Variants in ADAMTSL1 observed in about 807,000 individuals in gnomAD.
ADAMTSL1 encodes ADAMTS-like protein 1.
In ADAMTSL1, 126 loss-of-function variants were observed where a neutral mutation model predicts 201.8. That is an observed-to-expected ratio of 0.62 (90% CI 0.54 to 0.72). The LOEUF (loss-of-function observed/expected upper bound fraction) is 0.72. ADAMTSL1 is among the 30% of genes least tolerant of loss of function. ADAMTSL1 has a pLI of 0.00. For synonymous variants in ADAMTSL1, 1,121 were observed against 903.4 expected (o/e 1.24, Z -4.32); for missense variants, 2,679 against 2,277.8 (o/e 1.18, Z -3.59).
In ADAMTSL1 at chr9:18,777,111, T is replaced by G. The variant is rs1190917917; in HGVS notation, c.2882T>G (p.Ile961Ser). The change falls in exon 19 of 29, where the codon ATC becomes AGC. Residue 961 changes from isoleucine (I) to serine (S), a missense_variant. Coordinates refer to ENST00000380548, the MANE Select transcript of ADAMTSL1 (RefSeq NM_001040272.6). Reference sequence around the variant, plus strand: ...CGGGAGCACTTTGTGATTAAGCTCATCGGAGGCAACCGCAAGCTCGTGGCC... The same window carrying G: ...CGGGAGCACTTTGTGATTAAGCTCAGCGGAGGCAACCGCAAGCTCGTGGCC... ...PAREHFVIKLIGGNRKLVARP... is the reference protein window; with the variant it reads ...PAREHFVIKLSGGNRKLVARP... The G allele has an allele frequency of 1.2e-6, 2 of 1,612,858 alleles. No homozygotes were observed. Among genetic ancestry groups the G allele is most frequent in the African/African-American group, 2.7e-5 (2 of 74,896 alleles).
In ADAMTSL1 at chr9:18,287,311, A is replaced by G. The variant is rs142164947; in HGVS notation, c.207+123330A>G. On this transcript the variant is annotated intron_variant, in intron 2 of 29. Transcript: ENST00000680146. ...TCAATGGAAGTACATACGTATATAC[A>G]TATGTATGTATACACACACACACGT... Among the ~76,000 whole-genome samples the G allele has an allele frequency of 9.4e-4, 143 of 151,970 alleles. 1 individual carries two copies. Among genetic ancestry groups the G allele is most frequent in the African/African-American group, 3.2e-3 (131 of 41,318 alleles).
intron 23 of ADAMTSL1, among the ~76,000 whole-genome samples, chr9:18,855,229 G>A (rs1049048086): frequency 2.0e-5 from 3 of 152,162 alleles, no homozygotes; most frequent in East Asian, 1.9e-4. Context: ...ATCTTGGCAC[G>A]AATAAAATCC....
chr9:18,572,548 A>G (rs2132349571), intron 3 of ADAMTSL1, among the ~76,000 whole-genome samples: 1 of 152,308 alleles, frequency 6.6e-6, no homozygotes, highest in Admixed American at 6.5e-5. Context: ...AACACATAAT[A>G]CTAACAGTAA....
Position 18,639,301 on chromosome 9 carries a change from A to G in ADAMTSL1, c.724A>G (p.Ser242Gly), listed in dbSNP as rs752983559. ...LQGTKGENSL[S>G]STGTFLVDNS... ...GGGGACTAAAGGTGAAAACAGTCTC[A>G]GCTCCACAGGAACTTTCCTTGTGGA... Residue 242 changes from serine to glycine, a missense_variant, in exon 7 of 29, where the codon AGC becomes GGC. Physicochemically the swap from Ser to Gly is moderately conservative, Grantham distance 56. Coordinates refer to ENST00000380548, the MANE Select transcript of ADAMTSL1 (RefSeq NM_001040272.6). 1.2e-6 allele frequency: 2 copies of G among 1,613,108 alleles called. No homozygotes were observed. Among genetic ancestry groups the G allele is most frequent in the Non-Finnish European group, 1.7e-6 (2 of 1,179,340 alleles).
At chr9:18,315,504 G>A (rs1049385580) in intron 2 of ADAMTSL1, among the ~76,000 whole-genome samples, 1 of 152,164 alleles carries the variant, frequency 6.6e-6, no homozygotes, top group South Asian at 2.1e-4. Context: ...AGGCAGCTGA[G>A]GCCCAGCAAG....
At chr9:18,165,185 G>T (rs1827579676) in intron 2 of ADAMTSL1, among the ~76,000 whole-genome samples, 1 of 151,708 alleles carries the variant, frequency 6.6e-6, no homozygotes, top group South Asian at 2.1e-4. Context: ...AAAATATCTT[G>T]CAATTATATC....
At chr9:17,924,307 G>A (rs1426497384) in intron 1 of ADAMTSL1, among the ~76,000 whole-genome samples, 2 of 152,058 alleles carry the variant, frequency 1.3e-5, no homozygotes, top group African/African-American at 2.4e-5. Flanking sequence ...TTCAGCTCCC[G>A]TTATTGGTCT....
chr9:18,503,421 G>GTGTATATATATATATATATACATATA (rs376466829), intron 1 of ADAMTSL1, among the ~76,000 whole-genome samples: 1 of 115,274 alleles, frequency 8.7e-6, no homozygotes, highest in Non-Finnish European at 1.9e-5. Flanking sequence ...ATTCCATTGT[G>GTGTATATATATATATATATACATATA]TATATATATA....
chr9:18,237,464 T>C (rs1402443246), intron 2 of ADAMTSL1, among the ~76,000 whole-genome samples: 2 of 152,250 alleles, frequency 1.3e-5, no homozygotes, highest in Non-Finnish European at 1.5e-5. Context: ...TTGTTGCTTT[T>C]GGCATTTTGA....
intron 2 of ADAMTSL1, among the ~76,000 whole-genome samples, chr9:18,228,234 A>G (rs1344192122): frequency 1.3e-5 from 2 of 152,168 alleles, no homozygotes; most frequent in African/African-American, 4.8e-5. Context: ...TTAAGGCTTG[A>G]TGATAGTTCC....
At chr9:18,136,336 C>G (rs984824194) in intron 1 of ADAMTSL1, among the ~76,000 whole-genome samples, 1 of 152,152 alleles carries the variant, frequency 6.6e-6, no homozygotes, top group African/African-American at 2.4e-5. Flanking sequence ...TTGGAAACCA[C>G]TGGATTAGAC....
intron 1 of ADAMTSL1, among the ~76,000 whole-genome samples, chr9:17,934,902 TA>T (rs59536452): frequency 0.14 from 20,456 of 143,556 alleles, 1,561 homozygotes; most frequent in South Asian, 0.2. Flanking sequence ...CTATTTCCTT[TA>T]AAAAAAAAAA....
intron 2 of ADAMTSL1, among the ~76,000 whole-genome samples, chr9:18,190,100 C>A (rs1828909665): frequency 6.6e-6 from 1 of 152,166 alleles, no homozygotes; most frequent in Non-Finnish European, 1.5e-5. Flanking sequence ...CTGCACATTG[C>A]ATAATGTGAT....
intron 26 of ADAMTSL1, among the ~76,000 whole-genome samples, chr9:18,892,835 C>G (rs1829374402): frequency 1.3e-5 from 2 of 152,178 alleles, no homozygotes. Context: ...GTCAGCAACT[C>G]AAAACATCTT....
intron 1 of ADAMTSL1, among the ~76,000 whole-genome samples, chr9:18,058,094 T>C (rs1043511076): frequency 1.3e-5 from 2 of 152,060 alleles, no homozygotes; most frequent in African/African-American, 4.8e-5. Flanking sequence ...GCCAGATAGG[T>C]AAAGGAGTGG....
intron 7 of ADAMTSL1, chr9:18,651,325 C>T (rs1054116177): frequency 2.6e-5 from 4 of 152,186 alleles, no homozygotes; most frequent in Non-Finnish European, 1.5e-5. Context: ...TAGAAGAGTC[C>T]TCCTTAGTCA....
intron 2 of ADAMTSL1, among the ~76,000 whole-genome samples, chr9:18,425,887 T>A (rs891487621): frequency 3.4e-5 from 5 of 146,298 alleles, no homozygotes; most frequent in South Asian, 4.3e-4. Flanking sequence ...AAGACGTGTA[T>A]AGATTCGGAA....
At chr9:18,629,361 A>C (rs1826597004) in intron 5 of ADAMTSL1, among the ~76,000 whole-genome samples, 2 of 152,122 alleles carry the variant, frequency 1.3e-5, no homozygotes, top group South Asian at 4.1e-4. Context: ...CTCACCATTG[A>C]GTATGATGTT....
chr9:18,752,014 C>A lies in ADAMTSL1; in HGVS notation c.2007-1284C>A, dbSNP rs1441997802. Among the ~76,000 whole-genome samples, 26 of 19,582 alleles carry A rather than the reference C, an allele frequency of 1.3e-3. 8 individuals carry two copies. The highest frequency in any genetic ancestry group is 0.012 in the Admixed American group (26 of 2,104). 12.8% of individuals were successfully genotyped at this position (19,582 alleles called of 152,430 possible). On this transcript the variant is annotated intron_variant, in intron 15 of 28. Transcript: ENST00000380548. Reference sequence around the variant, plus strand: ...GCTGAGGCAGGAGAATGGCGTGAACCCGGGAGGCGGAGCTTGCAGTGAGCC... The same window carrying A: ...GCTGAGGCAGGAGAATGGCGTGAACACGGGAGGCGGAGCTTGCAGTGAGCC...
Sources: allele counts gnomAD v4.1 joint callset (sites outside exome capture counted in the v4.1 genomes callset), GRCh38; gene constraint gnomAD v4.1.1; transcripts MANE v1.5; gene names NCBI Gene and HGNC (gene_info 2026-07-23, HGNC 2026-07-21).